The following TENM2 variants were observed in gnomAD, a reference collection of about 807,000 sequenced individuals.
TENM2 encodes the protein teneurin-2.
TENM2 carries 52 observed loss-of-function variants against 245.2 expected under a neutral mutation model. That is an observed-to-expected ratio of 0.21 (90% CI 0.17 to 0.27). TENM2 has a LOEUF of 0.27. Among genes scored for constraint, TENM2 ranks in the 10% least tolerant of loss-of-function variants. The pLI is 1.00. For synonymous variants in TENM2, 1,363 were observed against 1,438.9 expected, an observed-to-expected ratio of 0.95 and a Z score of 1.19; for missense variants, 3,046 against 3,666.8, an observed-to-expected ratio of 0.83 and a Z score of 4.37.
At position 167,401,032 on chromosome 5, in the gene TENM2, A is replaced by T. The variant is rs555731041; in HGVS notation, c.502+25559A>T. On this transcript the variant is annotated intron_variant, in intron 2 of 28. Coordinates refer to ENST00000518659, the Ensembl canonical transcript of TENM2. ...CTTGAGCCCAGGAGGTTGAGGCTGC[A>T]GTAAACTGTGATTTTGCCACTGCAC... is the stretch of plus-strand genomic sequence containing the variant. Among the ~76,000 whole-genome samples, 72 of 152,186 alleles carry T rather than the reference A, an allele frequency of 4.7e-4. No individual in the cohort carries two copies. In the Middle Eastern group the frequency reaches 0.034, roughly 72 times the overall value.
At chr5:167,101,252 G>A in the TENM2 span, among the ~76,000 whole-genome samples, 8 of 152,280 alleles carry the variant, frequency 5.3e-5, no homozygotes, top group African/African-American at 1.7e-4. Flanking sequence ...AGTATATAGT[G>A]TAATTCCTGT....
intron 3 of TENM2, among the ~76,000 whole-genome samples, chr5:167,881,946 G>A (rs569002130): frequency 6.6e-6 from 1 of 152,250 alleles, no homozygotes; most frequent in East Asian, 1.9e-4. Context: ...ATGCATGAAG[G>A]ATTATCATCA....
chr5:168,043,134 G>A (rs545803160), intron 5 of TENM2, among the ~76,000 whole-genome samples: 1 of 152,238 alleles, frequency 6.6e-6, no homozygotes, highest in Non-Finnish European at 1.5e-5. Flanking sequence ...GGCGGGAGAG[G>A]GAACCACCCC....
intron 1 of TENM2, among the ~76,000 whole-genome samples, chr5:167,304,659 T>C (rs1235419198): frequency 6.6e-6 from 1 of 151,902 alleles, no homozygotes; most frequent in African/African-American, 2.4e-5. Flanking sequence ...TGTTTGTTTG[T>C]TTTTTTTAAA....
At chr5:167,928,904 AAAAAAAAAAAAG>A (rs1281415162) in intron 3 of TENM2, among the ~76,000 whole-genome samples, 3 of 147,058 alleles carry the variant, frequency 2.0e-5, no homozygotes, top group East Asian at 1.9e-4. Context: ...TCAAAAAAAA[AAAAAAAAAAAAG>A]AAGAAGAAAG....
chr5:167,495,306 T>C (rs903422641), intron 2 of TENM2, among the ~76,000 whole-genome samples: 1 of 151,336 alleles, frequency 6.6e-6, no homozygotes, highest in African/African-American at 2.4e-5. Flanking sequence ...TGGACACAAA[T>C]TTGGCAACAG....
chr5:167,926,706 A>G (rs1439710471), intron 3 of TENM2, among the ~76,000 whole-genome samples: 1 of 148,312 alleles, frequency 6.7e-6, no homozygotes, highest in Non-Finnish European at 1.5e-5. Flanking sequence ...TGGGTGACAG[A>G]GTGAGATTCC....
chr5:168,262,197 G>A, exon 29 of TENM2: 2 of 1,610,964 alleles, frequency 1.2e-6, no homozygotes, highest in Non-Finnish European at 1.7e-6. Context: ...ATTGGCAAAG[G>A]CATCATGTTT....
chr5:167,343,932 A>G (rs1452068750), intron 1 of TENM2, among the ~76,000 whole-genome samples: 1 of 151,938 alleles, frequency 6.6e-6, no homozygotes, highest in Non-Finnish European at 1.5e-5. Context: ...ATCATAAGAT[A>G]TATTCATTTT....
intron 25 of TENM2, among the ~76,000 whole-genome samples, chr5:168,232,030 T>C (rs1278348506): frequency 6.6e-6 from 1 of 151,358 alleles, no homozygotes; most frequent in African/African-American, 2.4e-5. Context: ...TCATGCCCTG[T>C]ACTCCAGCCT....
the TENM2 span, among the ~76,000 whole-genome samples, chr5:167,156,773 TC>T: frequency 6.6e-6 from 1 of 152,154 alleles, no homozygotes; most frequent in Admixed American, 6.5e-5. Flanking sequence ...TCAAGCGCTT[TC>T]CCAGAATAAA....
chr5:167,228,943 G>A, the TENM2 span, among the ~76,000 whole-genome samples: 3 of 152,022 alleles, frequency 2.0e-5, no homozygotes, highest in South Asian at 2.1e-4. Context: ...CTTGTGATCC[G>A]CCCACCTCGC....
intron 2 of TENM2, among the ~76,000 whole-genome samples, chr5:167,545,770 G>A (rs1395198041): frequency 2.6e-5 from 4 of 152,094 alleles, no homozygotes; most frequent in Admixed American, 2.6e-4. Context: ...CCTAATTTGG[G>A]CATAATAATC....
intron 2 of TENM2, among the ~76,000 whole-genome samples, chr5:167,851,215 CTG>C (rs757017773): frequency 2.0e-5 from 3 of 152,118 alleles, no homozygotes; most frequent in Non-Finnish European, 2.9e-5. Context: ...AGGGGATAAA[CTG>C]TGAGAGAGAG....
At chr5:167,406,677 T>A (rs1052524428) in intron 2 of TENM2, among the ~76,000 whole-genome samples, 1 of 152,136 alleles carries the variant, frequency 6.6e-6, no homozygotes, top group African/African-American at 2.4e-5. Flanking sequence ...CCAAGAAGAA[T>A]CTCTTATCTA....
At chr5:168,230,630 CCTAT>C (rs146822778) in intron 25 of TENM2, among the ~76,000 whole-genome samples, 39 of 152,216 alleles carry the variant, frequency 2.6e-4, no homozygotes, top group African/African-American at 8.2e-4. Context: ...CTCTTCTCTC[CCTAT>C]CTATCTATCT....
At chr5:167,365,838 A>G (rs1031132519) in intron 1 of TENM2, among the ~76,000 whole-genome samples, 2 of 152,052 alleles carry the variant, frequency 1.3e-5, no homozygotes, top group African/African-American at 4.8e-5. Context: ...AAATTTCAAT[A>G]TGTATCTTAC....
At chr5:167,470,634 C>G (rs1766966305) in intron 2 of TENM2, among the ~76,000 whole-genome samples, 1 of 151,748 alleles carries the variant, frequency 6.6e-6, no homozygotes, top group African/African-American at 2.4e-5. Flanking sequence ...AAGTAATGGT[C>G]TGTTCCATGG....
intron 3 of TENM2, among the ~76,000 whole-genome samples, chr5:167,877,670 A>G (rs1773541824): frequency 6.6e-6 from 1 of 152,242 alleles, no homozygotes; most frequent in Non-Finnish European, 1.5e-5. Flanking sequence ...GCTCAAAATC[A>G]GGCTTAAAAT....
Sources: allele counts gnomAD v4.1 joint callset (sites outside exome capture counted in the v4.1 genomes callset), GRCh38; gene constraint gnomAD v4.1.1; transcripts MANE v1.5; gene names NCBI Gene and HGNC (gene_info 2026-07-23, HGNC 2026-07-21).